The following WNT4 variants were observed in gnomAD, a reference collection of about 807,000 sequenced individuals.
WNT4 encodes Wnt family member 4.
A neutral mutation model predicts 34.5 loss-of-function variants in WNT4; 16 were observed. The ratio of observed to expected loss-of-function variants is 0.46; its 90% CI spans 0.31 to 0.70. The LOEUF is 0.70. Ranked by LOEUF, WNT4 falls within the 30% of genes least tolerant of loss-of-function variation. The probability of loss-of-function intolerance (pLI) is 0.04; values close to 1 mark genes in which losing one functional copy is unlikely to be tolerated. For missense variants in WNT4, 379 were observed against 495.9 expected, an observed-to-expected ratio of 0.76 and a Z score of 2.24; for synonymous variants, 200 against 211.9, an observed-to-expected ratio of 0.94 and a Z score of 0.49.
intron 2 of WNT4, among the ~76,000 whole-genome samples, chr1:22,123,642 G>GT (rs1645918987): frequency 6.6e-6 from 1 of 152,208 alleles, no homozygotes; most frequent in African/African-American, 2.4e-5. Context: ...GCACTGAGTG[G>GT]TAAAGCAACT....
rs1570124122 is a variant in WNT4, at chr1:22,142,480, C to A, written c.77+366G>T. Among the ~76,000 whole-genome samples, 8 of 152,360 alleles carry A rather than the reference C, an allele frequency of 5.3e-5. No homozygotes were observed. In the South Asian group the frequency reaches 1.7e-3, roughly 32 times the overall value. On this transcript the variant is annotated intron_variant, in intron 1 of 4. Coordinates refer to ENST00000290167, the MANE Select transcript of WNT4 (RefSeq NM_030761.5). The surrounding 1 kb of genome is among the most constrained non-coding windows in gnomAD (Gnocchi z 6.0). ...TCCCGGAGCCCTTCCCTGCAATGGG[C>A]TTCCTCAGCGACCTGTCAGCCCGGC...
chr1:22,133,680 C>G (rs1249297212), intron 1 of WNT4, among the ~76,000 whole-genome samples: 1 of 152,238 alleles, frequency 6.6e-6, no homozygotes, highest in Non-Finnish European at 1.5e-5. Flanking sequence ...CCTGGCCACC[C>G]AGGACTCTCG....
At chr1:22,130,853 C>T (rs1645977618) in intron 1 of WNT4, among the ~76,000 whole-genome samples, 2 of 152,182 alleles carry the variant, frequency 1.3e-5, no homozygotes, top group African/African-American at 2.4e-5. Context: ...CACAGAAAGT[C>T]CTACTTATGG....
Position 22,140,104 on chromosome 1 carries a change from A to G in WNT4, c.77+2742T>C. The G allele has an allele frequency of 6.8e-6, 6 of 879,248 alleles. No homozygotes were observed. The South Asian group carries it at 2.6e-4, about 38-fold the overall frequency. 54.5% of individuals were successfully genotyped at this position (879,248 alleles called of 1,614,324 possible). Reference sequence around the variant, plus strand: ...CCACTGGCCAGCAGACCCACCCTGGACTCCAGGGTATTGGGAGGCGAGCGG... The same window carrying G: ...CCACTGGCCAGCAGACCCACCCTGGGCTCCAGGGTATTGGGAGGCGAGCGG... On this transcript the variant is annotated intron_variant, in intron 1 of 4. Coordinates refer to ENST00000290167, the MANE Select transcript of WNT4 (RefSeq NM_030761.5). The surrounding 1 kb of genome is among the most constrained non-coding windows in gnomAD (Gnocchi z 5.9).
At chr1:22,128,804 C>T (rs1645959746) in intron 2 of WNT4, among the ~76,000 whole-genome samples, 1 of 152,052 alleles carries the variant, frequency 6.6e-6, no homozygotes, top group Non-Finnish European at 1.5e-5. Flanking sequence ...ACTGCAAGCT[C>T]CGCCTCCTGG....
intron 2 of WNT4, among the ~76,000 whole-genome samples, chr1:22,124,410 A>G (rs1218559402): frequency 1.3e-5 from 2 of 152,088 alleles, no homozygotes; most frequent in African/African-American, 4.8e-5. Context: ...CACAGGCCTA[A>G]ATACTGTGTG....
chr1:22,124,271 C>T (rs1645924617), intron 2 of WNT4, among the ~76,000 whole-genome samples: 3 of 152,234 alleles, frequency 2.0e-5, no homozygotes, highest in Admixed American at 2.0e-4. Flanking sequence ...TTTCCTGGGC[C>T]AGGGGCCAGG....
In WNT4 at chr1:22,120,173, A is replaced by G. The variant is rs199895037; in HGVS notation, c.933T>C (p.Cys311=). Residue 311 remains cysteine (C), a synonymous_variant, in exon 5 of 5, where the codon TGT becomes TGC. Coordinates refer to ENST00000290167, the MANE Select transcript of WNT4 (RefSeq NM_030761.5). ...CCTGCGCCGTGTGGAAGCCGCGGCC[A>G]CAGCACAGCAGCTCACAGCCGTCGA... The part of the protein sequence containing the change: ...KAIDGCELLC[C]GRGFHTAQVE... 2 of 1,613,732 alleles carry G rather than the reference A, an allele frequency of 1.2e-6. No individual in the cohort carries two copies. Among genetic ancestry groups the G allele is most frequent in the African/African-American group, 1.3e-5 (1 of 75,072 alleles).
chr1:22,127,572 G>T, intron 2 of WNT4: 1 of 442,382 alleles, frequency 2.3e-6, no homozygotes, highest in South Asian at 1.7e-5. Flanking sequence ...GAGGAGATAC[G>T]CATTTCAATC....
rs113332979 is a variant in WNT4 at position 22,125,712 on chromosome 1, G to A, written c.313+3904C>T. On this transcript the variant is annotated intron_variant, in intron 2 of 4. Transcript: ENST00000290167. ...TGCTCAAGGTCGCAGAACGAGACAC[G>A]GTAGAGGCAGAGGAGGCCCGGTGCT... 1.1e-3 allele frequency among the ~76,000 whole-genome samples: 162 copies of A among 152,264 alleles called. 1 individual carries two copies. Among genetic ancestry groups the A allele is most frequent in the Middle Eastern group, 6.8e-3 (2 of 294 alleles).
chr1:22,128,978 C>T (rs1160067134), intron 2 of WNT4, among the ~76,000 whole-genome samples: 3 of 152,184 alleles, frequency 2.0e-5, no homozygotes, highest in South Asian at 2.1e-4. Context: ...CCTGGGCCTC[C>T]GAAAGTGCTG....
In WNT4 at chr1:22,134,061, A is replaced by G. The variant is rs1646003578; in HGVS notation, c.78-4210T>C. On this transcript the variant is annotated intron_variant, in intron 1 of 4. Transcript: ENST00000290167. The surrounding 1 kb of genome is among the most constrained non-coding windows in gnomAD (Gnocchi z 4.1). ...GAGTCAAGAGGAGAGGGGACGGGAAATAGCTGGAGCGTTTGGGAGGCCAAG... is the reference window on the plus strand; with the variant it reads ...GAGTCAAGAGGAGAGGGGACGGGAAGTAGCTGGAGCGTTTGGGAGGCCAAG... Among the ~76,000 whole-genome samples, 1 of 152,242 alleles carries G rather than the reference A, an allele frequency of 6.6e-6. No homozygotes were observed.
At chr1:22,122,800 C>G (rs1277762712) in intron 2 of WNT4, among the ~76,000 whole-genome samples, 1 of 152,222 alleles carries the variant, frequency 6.6e-6, no homozygotes, top group African/African-American at 2.4e-5. Context: ...GTGCCCCTGT[C>G]TGTGGACAGA....
Position 22,129,870 on chromosome 1 carries a change from G to T in WNT4, c.78-19C>A. 6.2e-7 allele frequency: 1 copy of T among 1,612,140 alleles called. No homozygotes were observed. ...CAGGTACCTGGGGAGAGGGTGACAC[G>T]TGATGCAGAGCCCACCTCCTCATCT... On this transcript the variant is annotated intron_variant, in intron 1 of 4. Transcript: ENST00000290167.
rs1570110565 is a variant in WNT4, at chr1:22,134,524, T to C, written c.78-4673A>G. Among the ~76,000 whole-genome samples, 1 of 152,184 alleles carries C rather than the reference T, an allele frequency of 6.6e-6. No homozygotes were observed. The highest frequency in any genetic ancestry group is 2.4e-5 in the African/African-American group (1 of 41,434). ...CCTTGTCTTTTGGCATGGCAGGCAGTGCAGAAAGGACATGGACCAGGGACT... is the reference window on the plus strand; with the variant it reads ...CCTTGTCTTTTGGCATGGCAGGCAGCGCAGAAAGGACATGGACCAGGGACT... On this transcript the variant is annotated intron_variant, in intron 1 of 4. Transcript: ENST00000290167. This position sits in a 1 kb window ranked among gnomAD's most constrained non-coding sequence, Gnocchi z 4.1.
intron 2 of WNT4, chr1:22,127,327 A>AGGAG (rs750756714): frequency 3.8e-6 from 2 of 531,346 alleles, no homozygotes; most frequent in Non-Finnish European, 7.7e-6. Flanking sequence ...CCCAAAGGTA[A>AGGAG]GGAGGGCTTC....
chr1:22,129,521 G>A (rs914052040), intron 2 of WNT4, 95 bp downstream of exon 2: 50 of 1,395,352 alleles, frequency 3.6e-5, no homozygotes, highest in East Asian at 3.2e-4. Context: ...GAAATGACCT[G>A]CAATAGTCCC....
chr1:22,128,263 A>G (rs2124115781), intron 2 of WNT4, among the ~76,000 whole-genome samples: 1 of 152,354 alleles, frequency 6.6e-6, no homozygotes, highest in African/African-American at 2.4e-5. Flanking sequence ...CCGGCCGTCC[A>G]GGACCACAGG....
intron 2 of WNT4, 40 bp downstream of exon 2, chr1:22,129,576 A>C: frequency 6.3e-7 from 1 of 1,589,576 alleles, no homozygotes; most frequent in Non-Finnish European, 8.6e-7. Context: ...ATGCCCTGGC[A>C]CCGCAGGCTC....
Sources: allele counts gnomAD v4.1 joint callset (sites outside exome capture counted in the v4.1 genomes callset), GRCh38; gene constraint gnomAD v4.1.1; non-coding constraint Gnocchi (gnomAD v3.1); transcripts MANE v1.5; gene names NCBI Gene and HGNC (gene_info 2026-07-23, HGNC 2026-07-21).